Variants in KIF6 observed in about 807,000 individuals in gnomAD.
KIF6 encodes the protein kinesin-like protein KIF6.
In KIF6, 106 loss-of-function variants were observed where a neutral mutation model predicts 112.7. That is an observed-to-expected ratio of 0.94 (90% CI 0.80 to 1.11). The LOEUF (loss-of-function observed/expected upper bound fraction) is 1.11. Among genes scored for constraint, KIF6 ranks in the 50% least tolerant of loss-of-function variants. The pLI, the probability that KIF6 is intolerant of heterozygous loss-of-function variation, is 0.00. For synonymous variants in KIF6, 339 were observed against 339.9 expected, an observed-to-expected ratio of 1.00 and a Z score of 0.03; for missense variants, 929 against 964.0, an observed-to-expected ratio of 0.96 and a Z score of 0.48.
At chr6:39,433,089 T>C (rs111967223) in intron 13 of KIF6, among the ~76,000 whole-genome samples, 3,415 of 152,256 alleles carry the variant, frequency 0.022, 69 homozygotes, top group Non-Finnish European at 0.029. Context: ...TGACTGTGAA[T>C]GGACAGCTGG....
chr6:39,404,711 T>C (rs1457718992), intron 15 of KIF6, among the ~76,000 whole-genome samples: 1 of 152,188 alleles, frequency 6.6e-6, no homozygotes, highest in Non-Finnish European at 1.5e-5. Flanking sequence ...CACAAAGTTC[T>C]GCTGGGATTT....
intron 10 of KIF6, among the ~76,000 whole-genome samples, chr6:39,563,331 T>G (rs990853420): frequency 1.3e-5 from 2 of 152,212 alleles, no homozygotes; most frequent in African/African-American, 4.8e-5. Flanking sequence ...CTTTCCAGAC[T>G]TGTTTGTAAA....
At position 39,692,957 on chromosome 6, in the gene KIF6, A is replaced by T. The variant is rs78091743; in HGVS notation, c.251+21735T>A. 8.7e-3 allele frequency among the ~76,000 whole-genome samples: 1,322 copies of T among 152,332 alleles called. 20 individuals are homozygous for T. The highest frequency in any genetic ancestry group is 0.03 in the African/African-American group (1,258 of 41,580). ...GAAGTAGCCTCTCAGCATCAAAAAT[A>T]TAACTATCATAAACAACTCTCACCT... On this transcript the variant is annotated intron_variant, in intron 3 of 22. Coordinates refer to ENST00000287152, the MANE Select transcript of KIF6 (RefSeq NM_145027.6).
intron 13 of KIF6, among the ~76,000 whole-genome samples, chr6:39,464,032 C>A (rs893289070): frequency 6.6e-6 from 1 of 152,098 alleles, no homozygotes; most frequent in African/African-American, 2.4e-5. Flanking sequence ...TGTGGCTGAT[C>A]ATATTTATGT....
At chr6:39,538,470 C>T (rs9767236) in intron 13 of KIF6, among the ~76,000 whole-genome samples, 68,161 of 150,480 alleles carry the variant, frequency 0.45, 18,447 homozygotes, top group African/African-American at 0.76. Flanking sequence ...GAAAAAATGC[C>T]CATCATCACT....
intron 2 of KIF6, among the ~76,000 whole-genome samples, 192 bp downstream of exon 2, chr6:39,720,510 A>C (rs763521671): frequency 3.3e-5 from 5 of 152,100 alleles, no homozygotes; most frequent in Non-Finnish European, 7.4e-5. Context: ...CAGATATAGA[A>C]ATACACATTA....
At chr6:39,354,044 A>C (rs1285203731) in intron 19 of KIF6, 1 of 323,780 alleles carries the variant, frequency 3.1e-6, no homozygotes, top group East Asian at 1.1e-4. Context: ...TGACCAGCCT[A>C]CATAAGGCTC....
At chr6:39,589,047 C>T (rs1325329134) in intron 7 of KIF6, among the ~76,000 whole-genome samples, 2 of 152,170 alleles carry the variant, frequency 1.3e-5, no homozygotes, top group Non-Finnish European at 2.9e-5. Context: ...CATCCCTGTT[C>T]GACTTATCTG....
At chr6:39,646,172 CAG>C (rs1185678875) in intron 3 of KIF6, among the ~76,000 whole-genome samples, 2 of 104,162 alleles carry the variant, frequency 1.9e-5, no homozygotes, top group Non-Finnish European at 3.5e-5. Flanking sequence ...AATGGAGCCT[CAG>C]AGAGGTAAAA....
intron 3 of KIF6, among the ~76,000 whole-genome samples, chr6:39,701,791 G>C (rs535833812): frequency 1.3e-5 from 2 of 152,270 alleles, no homozygotes; most frequent in South Asian, 2.1e-4. Flanking sequence ...GAAGAATATT[G>C]GTTTTGCATT....
Sources: allele counts gnomAD v4.1 joint callset (sites outside exome capture counted in the v4.1 genomes callset), GRCh38; gene constraint gnomAD v4.1.1; transcripts MANE v1.5; gene names NCBI Gene and HGNC (gene_info 2026-07-23, HGNC 2026-07-21).